IQGAP2: variants seen among roughly 807,000 people sequenced by gnomAD.
The protein encoded by IQGAP2 is ras GTPase-activating-like protein IQGAP2.
In IQGAP2, 173 loss-of-function variants were observed where a neutral mutation model predicts 201.3. That is an observed-to-expected ratio of 0.86 (90% CI 0.76 to 0.98). IQGAP2 has a LOEUF of 0.98. Ranked by LOEUF, IQGAP2 falls within the 50% of genes least tolerant of loss-of-function variation. IQGAP2 has a pLI of 0.00. For synonymous variants in IQGAP2, 675 were observed against 673.9 expected (o/e 1.00, Z -0.03); for missense variants, 1,687 against 1,864.8 (o/e 0.90, Z 1.76).
intron 1 of IQGAP2, among the ~76,000 whole-genome samples, chr5:76,421,445 C>A (rs915773848): frequency 7.2e-5 from 11 of 151,990 alleles, no homozygotes; most frequent in Admixed American, 6.6e-4. Context: ...AAAACCCTAT[C>A]CTCTGCAAAA....
chr5:76,698,399 G>GT (rs1189242791), intron 33 of IQGAP2, among the ~76,000 whole-genome samples: 4 of 152,194 alleles, frequency 2.6e-5, no homozygotes, highest in Non-Finnish European at 5.9e-5. Flanking sequence ...AATAGCATTA[G>GT]TAAGTTAGGG....
chr5:76,665,374 G>A (rs908455211), intron 22 of IQGAP2, among the ~76,000 whole-genome samples, 199 bp downstream of exon 22: 2 of 152,196 alleles, frequency 1.3e-5, no homozygotes, highest in Non-Finnish European at 2.9e-5. Context: ...AGCCGTGAGA[G>A]AATGAGTACT....
intron 13 of IQGAP2, chr5:76,618,730 G>A (rs1435438747): frequency 5.1e-6 from 6 of 1,173,580 alleles, no homozygotes; most frequent in Admixed American, 2.4e-5. Context: ...TTCTGTGATT[G>A]TAGAATTTAA....
At chr5:76,485,328 A>G (rs1756055299) in intron 2 of IQGAP2, among the ~76,000 whole-genome samples, 1 of 152,222 alleles carries the variant, frequency 6.6e-6, no homozygotes. Context: ...ACATATTCAC[A>G]TATGGCAAAA....
chr5:76,507,382 C>T (rs1757666234), intron 2 of IQGAP2, among the ~76,000 whole-genome samples: 1 of 151,604 alleles, frequency 6.6e-6, no homozygotes, highest in Admixed American at 6.6e-5. Context: ...TGAACAAGAC[C>T]TGAATGTAAA....
At position 76,671,781 on chromosome 5, in the gene IQGAP2, G is replaced by C. The variant is rs1279966927; in HGVS notation, c.2866G>C (p.Asp956His). ...EIKSKVDQVQ[D>H]IVTGNPTVIK... ...TAGATCAAAAGTGGACCAGGTACAGGACATAGTTACTGGTAACCCTACAGT... is the reference window on the plus strand; with the variant it reads ...TAGATCAAAAGTGGACCAGGTACAGCACATAGTTACTGGTAACCCTACAGT... The change falls in exon 24 of 36, where the codon GAC (aspartate) becomes CAC (histidine). Residue 956 changes from aspartate (D) to histidine (H), a missense_variant. Coordinates refer to ENST00000274364, the MANE Select transcript of IQGAP2 (RefSeq NM_006633.5). 1 of 1,613,794 alleles carries C rather than the reference G, an allele frequency of 6.2e-7. No homozygotes were observed. The highest frequency in any genetic ancestry group is 2.2e-5 in the East Asian group (1 of 44,874).
chr5:76,437,618 C>T (rs577698320), intron 1 of IQGAP2, among the ~76,000 whole-genome samples: 20 of 152,226 alleles, frequency 1.3e-4, no homozygotes, highest in South Asian at 8.3e-4. Context: ...CAAGTGAGAA[C>T]GTGTGGTGTT....
At chr5:76,676,088 C>G (rs1263515794) in intron 27 of IQGAP2, among the ~76,000 whole-genome samples, 1 of 142,520 alleles carries the variant, frequency 7.0e-6, no homozygotes, top group Admixed American at 6.9e-5. Flanking sequence ...CACACACACA[C>G]ACACACACAC....
At chr5:76,659,246 T>G (rs1405830400) in intron 21 of IQGAP2, among the ~76,000 whole-genome samples, 1 of 152,228 alleles carries the variant, frequency 6.6e-6, no homozygotes, top group Non-Finnish European at 1.5e-5. Flanking sequence ...AATGTACTGA[T>G]GTATATACCT....
chr5:76,647,288 C>A (rs1752123361), intron 17 of IQGAP2, among the ~76,000 whole-genome samples: 1 of 152,100 alleles, frequency 6.6e-6, no homozygotes, highest in Admixed American at 6.5e-5. Context: ...GTGGTGAGTT[C>A]TTTGAGTTTT....
chr5:76,495,188 G>T (rs1180879945), intron 2 of IQGAP2, among the ~76,000 whole-genome samples: 1 of 152,020 alleles, frequency 6.6e-6, no homozygotes, highest in African/African-American at 2.4e-5. Context: ...TATCCTCAGG[G>T]TGAGTACAGT....
chr5:76,496,757 CTTT>C (rs1561416476), intron 2 of IQGAP2, among the ~76,000 whole-genome samples: 1 of 79,268 alleles, frequency 1.3e-5, no homozygotes, highest in Non-Finnish European at 2.5e-5. Context: ...TTCTTTCTTT[CTTT>C]CTTTCTTTCT....
chr5:76,440,262 T>A (rs1460405983), intron 1 of IQGAP2, among the ~76,000 whole-genome samples: 1 of 152,176 alleles, frequency 6.6e-6, no homozygotes, highest in Admixed American at 6.6e-5. Context: ...TGTTGGTTCA[T>A]GCCTGTAATC....
At chr5:76,677,923 C>T (rs1006551652) in intron 28 of IQGAP2, among the ~76,000 whole-genome samples, 1 of 151,840 alleles carries the variant, frequency 6.6e-6, no homozygotes, top group African/African-American at 2.4e-5. Context: ...AGAGCGAGAC[C>T]CTACCTCAAA....
Position 76,463,890 on chromosome 5 carries a change from C to T in IQGAP2, c.146+2221C>T, listed in dbSNP as rs1452896092. Among the ~76,000 whole-genome samples, 4 of 151,318 alleles carry T rather than the reference C, an allele frequency of 2.6e-5. No individual in the cohort carries two copies. The East Asian group carries it at 7.8e-4, about 29-fold the overall frequency. On this transcript the variant is annotated intron_variant, in intron 2 of 35. Coordinates refer to ENST00000274364, the MANE Select transcript of IQGAP2 (RefSeq NM_006633.5). ...TGAGATGGAGTCTCACTCTGTCGCC[C>T]AGGCTAGACTGCAGTGGCGGGATCT...
chr5:76,452,227 T>C (rs1004566729), intron 1 of IQGAP2, among the ~76,000 whole-genome samples: 1 of 150,436 alleles, frequency 6.6e-6, no homozygotes, highest in African/African-American at 2.4e-5. Context: ...TGTTTTTTTC[T>C]TTTCTTTTTT....
At chr5:76,629,729 G>A (rs1360094518) in intron 14 of IQGAP2, among the ~76,000 whole-genome samples, 5 of 152,118 alleles carry the variant, frequency 3.3e-5, no homozygotes, top group African/African-American at 4.8e-5. Flanking sequence ...GCCCCGTTAG[G>A]GGTTCTATCA....
In IQGAP2 at chr5:76,590,400, C is replaced by T; in HGVS notation, c.641-8C>T. On this transcript the variant is annotated splice_region_variant and splice_polypyrimidine_tract_variant and intron_variant, in intron 7 of 35. Transcript: ENST00000274364. Reference sequence around the variant, plus strand: ...AAACCTTTTTCTCTCTCTCTCTTTACTTTTTAGTACATGCTGCAGTTATAG... The same window carrying T: ...AAACCTTTTTCTCTCTCTCTCTTTATTTTTTAGTACATGCTGCAGTTATAG... 1 of 1,578,682 alleles carries T rather than the reference C, an allele frequency of 6.3e-7. No individual in the cohort carries two copies.
intron 30 of IQGAP2, among the ~76,000 whole-genome samples, chr5:76,691,132 T>C (rs1746225446): frequency 6.6e-6 from 1 of 152,202 alleles, no homozygotes; most frequent in South Asian, 2.1e-4. Context: ...CACACTGTAG[T>C]GGGAGGGAGG....
Sources: allele counts gnomAD v4.1 joint callset (sites outside exome capture counted in the v4.1 genomes callset), GRCh38; gene constraint gnomAD v4.1.1; transcripts MANE v1.5; gene names NCBI Gene and HGNC (gene_info 2026-07-23, HGNC 2026-07-21).